The following TECPR2 variants were observed in gnomAD, a reference collection of about 807,000 sequenced individuals.
The protein encoded by TECPR2 is tectonin beta-propeller repeat containing 2, also known as tectonin beta-propeller repeat-containing protein 2.
In TECPR2, 65 loss-of-function variants were observed where a neutral mutation model predicts 138.1. That is an observed-to-expected ratio of 0.47 (90% CI 0.39 to 0.58). TECPR2 has a LOEUF of 0.58. Ranked by LOEUF, TECPR2 falls within the 20% of genes least tolerant of loss-of-function variation. The probability of loss-of-function intolerance (pLI) is 0.00; values close to 1 mark genes in which losing one functional copy is unlikely to be tolerated. For missense variants in TECPR2, 1,553 were observed against 1,824.5 expected (o/e 0.85, Z 2.71); for synonymous variants, 746 against 749.8 (o/e 0.99, Z 0.08).
intron 16 of TECPR2, among the ~76,000 whole-genome samples, chr14:102,455,543 G>A (rs1156387449): frequency 1.3e-5 from 2 of 151,712 alleles, no homozygotes; most frequent in East Asian, 1.9e-4. Flanking sequence ...GCCTTCCCAG[G>A]CTTAAGCAAT....
chr14:102,426,475 G>A (rs1287821713), intron 6 of TECPR2, among the ~76,000 whole-genome samples: 1 of 152,162 alleles, frequency 6.6e-6, no homozygotes, highest in African/African-American at 2.4e-5. Context: ...GCCCTGTCCT[G>A]TTCACGTTCT....
intron 1 of TECPR2, among the ~76,000 whole-genome samples, chr14:102,369,039 C>T (rs1597758312): frequency 6.6e-6 from 1 of 152,262 alleles, no homozygotes; most frequent in East Asian, 1.9e-4. Flanking sequence ...GCAAGGGCAG[C>T]CCTGCGCTCC....
At chr14:102,449,171 G>T (rs1890071565) in intron 13 of TECPR2, among the ~76,000 whole-genome samples, 1 of 152,174 alleles carries the variant, frequency 6.6e-6, no homozygotes. Flanking sequence ...AGGATTGCTT[G>T]ATCCTGGAAG....
chr14:102,407,245 T>C, intron 2 of TECPR2, 93 bp from the exon 3 acceptor site: 1 of 1,452,608 alleles, frequency 6.9e-7, no homozygotes, highest in Non-Finnish European at 9.2e-7. Flanking sequence ...TGCAGCCTGA[T>C]GAAGTTTTTC....
chr14:102,477,555 T>G (rs1486386752), intron 17 of TECPR2, among the ~76,000 whole-genome samples: 1 of 148,638 alleles, frequency 6.7e-6, no homozygotes, highest in Non-Finnish European at 1.5e-5. Flanking sequence ...GAGCTGGTTT[T>G]TTTTTTTTTT....
Position 102,434,402 on chromosome 14 carries a change from A to G in TECPR2, c.1585A>G (p.Ser529Gly), listed in dbSNP as rs1321491062. Residue 529 changes from serine (S) to glycine (G), a missense_variant, in exon 9 of 20, where the codon AGC (serine) becomes GGC (glycine). By Grantham distance (56) the Ser-to-Gly change is moderately conservative (BLOSUM62 0). Transcript: ENST00000359520. ...LSAESPDQESSFNGEVNGVPQ... is the reference protein window; with the variant it reads ...LSAESPDQESGFNGEVNGVPQ... The stretch of plus-strand genomic sequence containing the variant: ...TGCAGAGTCTCCAGACCAGGAAAGC[A>G]GCTTCAATGGTGAAGTGAACGGTGT... The G allele has an allele frequency of 3.3e-6, 5 of 1,529,196 alleles. No homozygotes were observed. Among genetic ancestry groups the G allele is most frequent in the Non-Finnish European group, 2.6e-6 (3 of 1,139,714 alleles). 94.7% of individuals were successfully genotyped at this position (1,529,196 alleles called of 1,614,324 possible).
rs772483312 is a variant in TECPR2 at position 102,425,110 on chromosome 14, TA to T, written c.774del (p.Asp259MetfsTer44). 4.3e-6 allele frequency: 7 copies of T among 1,614,192 alleles called. No homozygotes were observed. The highest frequency in any genetic ancestry group is 4.2e-6 in the Non-Finnish European group (5 of 1,180,048). On this transcript the variant is annotated frameshift_variant, in exon 6 of 20. Coordinates refer to ENST00000359520, the MANE Select transcript of TECPR2 (RefSeq NM_014844.5). LOFTEE classifies it high-confidence loss of function. ...GGGACTGTTCAAGCCACGTTTATCT[TA>T]AAAGATGCTTTTGCCGGGGGAGTCA... ...VHGTVQATFI[L>X]KDAFAGGVKP...
intron 10 of TECPR2, among the ~76,000 whole-genome samples, chr14:102,439,394 G>A (rs966340754): frequency 1.3e-5 from 2 of 152,018 alleles, no homozygotes; most frequent in African/African-American, 4.8e-5. Context: ...ATATTAGTTT[G>A]TTCAGCGTTG....
Position 102,443,619 on chromosome 14 carries a change from T to C in TECPR2, c.2753-28T>C, listed in dbSNP as rs1889892332. ...GGTGTGGAGTTCTGACTGTGTGTCTTTGGGGCTTCTTCCCATCTTCCTGGC... is the reference window on the plus strand; with the variant it reads ...GGTGTGGAGTTCTGACTGTGTGTCTCTGGGGCTTCTTCCCATCTTCCTGGC... On this transcript the variant is annotated intron_variant, in intron 11 of 19. Coordinates refer to ENST00000359520, the MANE Select transcript of TECPR2 (RefSeq NM_014844.5). The surrounding 1 kb of genome is among the most constrained non-coding windows in gnomAD (Gnocchi z 4.9). The C allele has an allele frequency of 6.6e-7, 1 of 1,522,088 alleles. No individual in the cohort carries two copies. The highest frequency in any genetic ancestry group is 8.9e-7 in the Non-Finnish European group (1 of 1,120,746). 94.3% of individuals were successfully genotyped at this position (1,522,088 alleles called of 1,614,324 possible).
At chr14:102,391,975 T>G (rs1888188369) in intron 2 of TECPR2, among the ~76,000 whole-genome samples, 1 of 152,100 alleles carries the variant, frequency 6.6e-6, no homozygotes, top group African/African-American at 2.4e-5. Context: ...CCCCTTTTTT[T>G]GTTTGTTTTT....
Position 102,431,895 on chromosome 14 carries a change from G to T in TECPR2, c.1184G>T (p.Gly395Val). 6.2e-7 allele frequency: 1 copy of T among 1,609,434 alleles called. No individual in the cohort carries two copies. Among genetic ancestry groups the T allele is most frequent in the Non-Finnish European group, 8.5e-7 (1 of 1,176,252 alleles). The change falls in exon 8 of 20, where the codon GGC becomes GTC. Residue 395 changes from glycine to valine, a missense_variant. Physicochemically the swap from Gly to Val is moderately radical, Grantham distance 109. Transcript: ENST00000359520. ...ACAGTTTCTGAGACGAGGCTCAGAG[G>T]CTCTTCCATGGCCAGCTCCGTGGCC... ...GATVSETRLR[G>V]SSMASSVASE... is the part of the protein sequence containing the mutation.
At chr14:102,398,737 C>A (rs1888386241) in intron 2 of TECPR2, among the ~76,000 whole-genome samples, 1 of 152,092 alleles carries the variant, frequency 6.6e-6, no homozygotes, top group Non-Finnish European at 1.5e-5. Flanking sequence ...TGCCTGTAGT[C>A]TCAGGTCCTC....
At chr14:102,479,325 G>A (rs1890834892) in intron 17 of TECPR2, among the ~76,000 whole-genome samples, 1 of 152,174 alleles carries the variant, frequency 6.6e-6, no homozygotes, top group Non-Finnish European at 1.5e-5. Context: ...ACCACCCTGA[G>A]GACTGTGAGA....
At chr14:102,454,112 C>A (rs1238030780) in intron 16 of TECPR2, among the ~76,000 whole-genome samples, 4 of 151,710 alleles carry the variant, frequency 2.6e-5, no homozygotes, top group Non-Finnish European at 5.9e-5. Flanking sequence ...GAGATCCATG[C>A]CATTGCACTC....
intron 8 of TECPR2, among the ~76,000 whole-genome samples, chr14:102,433,577 A>G (rs1241012940): frequency 2.0e-5 from 3 of 151,748 alleles, no homozygotes; most frequent in Non-Finnish European, 2.9e-5. Context: ...CTAGAGTGCA[A>G]TGGTGCGATC....
rs1462175963 is a variant in TECPR2 at position 102,443,099 on chromosome 14, G to A, written c.2753-548G>A. Among the ~76,000 whole-genome samples the A allele has an allele frequency of 1.3e-5, 2 of 152,222 alleles. No individual in the cohort carries two copies. The highest frequency in any genetic ancestry group is 4.8e-5 in the African/African-American group (2 of 41,458). The stretch of plus-strand genomic sequence containing the variant: ...GCTGGAGCTCTCTGCAGGAACGACT[G>A]CAGGCCTCAGGTCCCTGCCAACTCC... On this transcript the variant is annotated intron_variant, in intron 11 of 19. Transcript: ENST00000359520. This position sits in a 1 kb window ranked among gnomAD's most constrained non-coding sequence, Gnocchi z 4.9.
intron 10 of TECPR2, among the ~76,000 whole-genome samples, chr14:102,439,471 CT>C (rs1306343304): frequency 6.6e-6 from 1 of 152,222 alleles, no homozygotes; most frequent in Non-Finnish European, 1.5e-5. Flanking sequence ...TAACAACCCA[CT>C]CCACAAGCTG....
chr14:102,400,958 A>G (rs1257021546), intron 2 of TECPR2, among the ~76,000 whole-genome samples: 1 of 152,034 alleles, frequency 6.6e-6, no homozygotes, highest in East Asian at 1.9e-4. Context: ...GGTTGAACCC[A>G]GGAGACAGAG....
chr14:102,471,470 G>T (rs532368984), intron 17 of TECPR2, among the ~76,000 whole-genome samples: 1 of 151,968 alleles, frequency 6.6e-6, no homozygotes, highest in South Asian at 2.1e-4. Context: ...TTGGAAGGTT[G>T]AGGCAGGAAG....
Sources: allele counts gnomAD v4.1 joint callset (sites outside exome capture counted in the v4.1 genomes callset), GRCh38; gene constraint gnomAD v4.1.1; non-coding constraint Gnocchi (gnomAD v3.1); transcripts MANE v1.5; gene names NCBI Gene and HGNC (gene_info 2026-07-23, HGNC 2026-07-21).